Variants in CREBBP observed in about 807,000 individuals in gnomAD.
The protein encoded by CREBBP is CREB binding lysine acetyltransferase.
CREBBP carries 19 observed loss-of-function variants against 265.0 expected under a neutral mutation model. The observed-to-expected ratio is 0.07, with a 90% confidence interval of 0.05 to 0.11. The LOEUF (loss-of-function observed/expected upper bound fraction) is 0.11. CREBBP is among the 10% of genes least tolerant of loss of function. The probability of loss-of-function intolerance (pLI) is 1.00; values close to 1 mark genes in which losing one functional copy is unlikely to be tolerated. For missense variants in CREBBP, 2,525 were observed against 3,219.0 expected (o/e 0.78, Z 5.22); for synonymous variants, 1,457 against 1,223.7 (o/e 1.19, Z -3.98).
At chr16:3,872,499 A>G (rs2055320892) in intron 1 of CREBBP, among the ~76,000 whole-genome samples, 1 of 152,126 alleles carries the variant, frequency 6.6e-6, no homozygotes, top group Non-Finnish European at 1.5e-5. Context: ...TGCATCAAAG[A>G]CTCATGCAAT....
At chr16:3,860,420 C>A (rs1298310212) in intron 1 of CREBBP, among the ~76,000 whole-genome samples, 2 of 152,060 alleles carry the variant, frequency 1.3e-5, no homozygotes. Context: ...TCATGGCTCA[C>A]TGTAGCCTCA....
chr16:3,759,141 A>C lies in CREBBP; in HGVS notation c.3251-169T>G, dbSNP rs542621966. ...TAAGGACTAAAGCTTCTGAAAACAC[A>C]CTAGTGTCAGAACTGTGTTCAGCTT... On this transcript the variant is annotated intron_variant, in intron 16 of 30. Transcript: ENST00000262367. Among the ~76,000 whole-genome samples, 4 of 152,306 alleles carry C rather than the reference A, an allele frequency of 2.6e-5. No homozygotes were observed. In the South Asian group the frequency reaches 8.3e-4, roughly 32 times the overall value.
Position 3,729,266 on chromosome 16 carries a change from A to C in CREBBP, c.5781T>G (p.Thr1927=). 6.5e-7 allele frequency: 1 copy of C among 1,526,986 alleles called. No individual in the cohort carries two copies. The highest frequency in any genetic ancestry group is 8.8e-7 in the Non-Finnish European group (1 of 1,141,750). The allele number at this position is 1,526,986 out of a possible 1,614,324, so 94.6% of individuals were successfully genotyped here. A position where few individuals can be genotyped will look rare whatever the true frequency, so the allele number is the denominator to read the frequency against. ...SPAGFPSVAR[T]QPPTTVSTGK... ...CTGTGGACACCGTGGTGGGGGGCTGAGTCCGGGCCACGCTGGGGAAGCCAG... is the reference window on the plus strand; with the variant it reads ...CTGTGGACACCGTGGTGGGGGGCTGCGTCCGGGCCACGCTGGGGAAGCCAG... The change falls in exon 31 of 31, where the codon ACT becomes ACG. Residue 1927 remains threonine, a synonymous_variant. Transcript: ENST00000262367.
chr16:3,759,596 A>AAC (rs1213909285), intron 16 of CREBBP, among the ~76,000 whole-genome samples: 2 of 151,986 alleles, frequency 1.3e-5, no homozygotes, highest in East Asian at 3.9e-4. Context: ...TCCAAAAAAA[A>AAC]AAGACCATTT....
chr16:3,873,245 T>A (rs1163330579), intron 1 of CREBBP, among the ~76,000 whole-genome samples: 3 of 152,214 alleles, frequency 2.0e-5, no homozygotes, highest in African/African-American at 7.2e-5. Flanking sequence ...ATTTTCAGTG[T>A]ACATCCTGAT....
rs953015931 is a variant in CREBBP, at chr16:3,822,954, A to C, written c.799-12175T>G. On this transcript the variant is annotated intron_variant, in intron 2 of 30. Transcript: ENST00000262367. ...AGCGCCTAGAAAAGGGAGAGGGGTG[A>C]GGTCAACATAAGGAACCGCTGGTAC... Among the ~76,000 whole-genome samples, 5 of 152,320 alleles carry C rather than the reference A, an allele frequency of 3.3e-5. No individual in the cohort carries two copies. In the East Asian group the frequency reaches 7.7e-4, roughly 24 times the overall value.
At chr16:3,759,051 T>C (rs2052649870) in intron 16 of CREBBP, 79 bp from the exon 17 acceptor site, 2 of 1,135,958 alleles carry the variant, frequency 1.8e-6, no homozygotes, top group Non-Finnish European at 2.7e-6. Context: ...AACGGAATCC[T>C]GGCTGCTGTG....
chr16:3,858,857 T>C (rs376305985), intron 1 of CREBBP, among the ~76,000 whole-genome samples: 22 of 152,310 alleles, frequency 1.4e-4, no homozygotes, highest in African/African-American at 4.8e-4. Flanking sequence ...ACCCCAACCC[T>C]AGAATTGATA....
rs2051735431 is a variant in CREBBP, at chr16:3,726,096, G to A, written c.*1622C>T. 1 of 233,202 alleles carries A rather than the reference G, an allele frequency of 4.3e-6. No homozygotes were observed. The highest frequency in any genetic ancestry group is 1.8e-4 in the South Asian group (1 of 5,534). The allele number at this position is 233,202 out of a possible 1,614,324, so 14.4% of individuals were successfully genotyped here. On this transcript the variant is annotated 3_prime_UTR_variant, in exon 31 of 31. Transcript: ENST00000262367. Reference sequence around the variant, plus strand: ...TCTCACTGTAACAGGGACCGGAGCTGGTGCTCCAAGGTGTCTGTCCCTCAG... The same window carrying A: ...TCTCACTGTAACAGGGACCGGAGCTAGTGCTCCAAGGTGTCTGTCCCTCAG...
intron 1 of CREBBP, among the ~76,000 whole-genome samples, chr16:3,852,005 T>C (rs1202650318): frequency 9.7e-6 from 1 of 102,582 alleles, no homozygotes; most frequent in Non-Finnish European, 1.7e-5. Context: ...GCCACTGCAC[T>C]CCAACCTGGG....
At chr16:3,806,559 C>G (rs574740908) in intron 3 of CREBBP, among the ~76,000 whole-genome samples, 1 of 152,024 alleles carries the variant, frequency 6.6e-6, no homozygotes, top group Non-Finnish European at 1.5e-5. Flanking sequence ...ACTGAATGTT[C>G]TCAGTCTAAG....
intron 24 of CREBBP, 61 bp from the exon 25 acceptor site, chr16:3,739,785 C>G (rs2052156604): frequency 3.7e-6 from 6 of 1,611,022 alleles, no homozygotes; most frequent in Non-Finnish European, 2.5e-6. Context: ...TGCTTCTGCA[C>G]ACCAGGCCTG....
intron 15 of CREBBP, 75 bp from the exon 16 acceptor site, chr16:3,767,984 T>TACAAGCCTAA: frequency 1.4e-6 from 2 of 1,424,948 alleles, no homozygotes; most frequent in Middle Eastern, 2.1e-4. Flanking sequence ...GGAAGACTCT[T>TACAAGCCTAA]ACAAGCCTAA....
intron 1 of CREBBP, among the ~76,000 whole-genome samples, chr16:3,854,406 G>C (rs2054917760): frequency 6.6e-6 from 1 of 152,168 alleles, no homozygotes; most frequent in Non-Finnish European, 1.5e-5. Flanking sequence ...TAAACACCTG[G>C]GGTGGGGAGA....
Position 3,777,885 on chromosome 16 carries a change from A to C in CREBBP, c.2113+126T>G, listed in dbSNP as rs568303291. The C allele has an allele frequency of 1.2e-4, 146 of 1,243,896 alleles. No homozygotes were observed. The African/African-American group carries it at 2.0e-3, about 17-fold the overall frequency. 77.1% of individuals were successfully genotyped at this position (1,243,896 alleles called of 1,614,324 possible). A position where few individuals can be genotyped will look rare whatever the true frequency, so the allele number is the denominator to read the frequency against. ...GAGGCAGGTGGTCAGGGCCACTGCC[A>C]CATCAACAGCTTCTGCAGGGCATGC... On this transcript the variant is annotated intron_variant, in intron 10 of 30. Coordinates refer to ENST00000262367, the MANE Select transcript of CREBBP (RefSeq NM_004380.3).
intron 1 of CREBBP, among the ~76,000 whole-genome samples, chr16:3,862,867 CAG>C (rs2055105497): frequency 2.0e-5 from 3 of 152,160 alleles, no homozygotes; most frequent in Admixed American, 6.5e-5. Flanking sequence ...AAGTTCTGCT[CAG>C]AGTTTGCCTC....
chr16:3,750,492 G>T (rs759536005), intron 20 of CREBBP, among the ~76,000 whole-genome samples: 2 of 152,156 alleles, frequency 1.3e-5, no homozygotes, highest in African/African-American at 2.4e-5. Flanking sequence ...AAGAGGGAAC[G>T]GCAGACCTGG....
In CREBBP at chr16:3,757,329, A is replaced by G. The variant is rs2052610257; in HGVS notation, c.3657T>C (p.Cys1219=). 1 of 1,613,842 alleles carries G rather than the reference A, an allele frequency of 6.2e-7. No individual in the cohort carries two copies. The highest frequency in any genetic ancestry group is 8.5e-7 in the Non-Finnish European group (1 of 1,179,980). Reference sequence around the variant, plus strand: ...AGTAGGCAGCATCGCGAGGAATGGTACACAGCTGCTTCCCATAGCAGCACA... The same window carrying G: ...AGTAGGCAGCATCGCGAGGAATGGTGCACAGCTGCTTCCCATAGCAGCACA... ...QTLCCYGKQL[C]TIPRDAAYYS... The change falls in exon 19 of 31, where the codon TGT becomes TGC. Residue 1219 remains cysteine, a synonymous_variant. Coordinates refer to ENST00000262367, the MANE Select transcript of CREBBP (RefSeq NM_004380.3).
chr16:3,757,043 T>C (rs2052602574), intron 19 of CREBBP, among the ~76,000 whole-genome samples: 1 of 152,190 alleles, frequency 6.6e-6, no homozygotes, highest in Non-Finnish European at 1.5e-5. Context: ...CTCTTTTTTT[T>C]TCTTTTCAAA....
Sources: gnomAD v4.1 joint callset for allele counts (sites outside exome capture counted in the v4.1 genomes callset) on GRCh38, gnomAD v4.1.1 for gene constraint, MANE v1.5 for transcripts, NCBI Gene and HGNC (gene_info 2026-07-23, HGNC 2026-07-21) for gene names.